Variants in CENPI observed in about 807,000 individuals in gnomAD.
CENPI encodes centromere protein I.
CENPI carries 4 observed loss-of-function variants against 60.4 expected under a neutral mutation model. The observed-to-expected ratio is 0.07, with a 90% CI of 0.03 to 0.15. The LOEUF (loss-of-function observed/expected upper bound fraction) is 0.15, where lower values mean the gene tolerates loss of function less well. Among genes scored for constraint, CENPI ranks in the 10% least tolerant of loss-of-function variants. The probability of loss-of-function intolerance (pLI) is 1.00; values close to 1 mark genes in which losing one functional copy is unlikely to be tolerated. For missense variants in CENPI, 444 were observed against 534.5 expected (o/e 0.83, Z 1.67); for synonymous variants, 157 against 189.4 (o/e 0.83, Z 1.40).
At chrX:101,135,390 T>C (rs1337622210) in intron 15 of CENPI, among the ~76,000 whole-genome samples, 2 of 110,870 alleles carry the variant, frequency 1.8e-5, no homozygotes, top group Admixed American at 9.7e-5. Context: ...AGCAGAGATA[T>C]GAGAAGATAA....
rs868452575 is a variant in CENPI, at chrX:101,164,735, T to A, written c.*1768T>A. Among the ~76,000 whole-genome samples the A allele has an allele frequency of 1.8e-5, 2 of 112,763 alleles. No individual in the cohort carries two copies. Among genetic ancestry groups the A allele is most frequent in the African/African-American group, 3.2e-5 (1 of 31,079 alleles). ...GGCAGGGAATAGGGATACAATGTGT[T>A]GAATTTTGTCAAATGCTTTTTTTGT... On this transcript the variant is annotated 3_prime_UTR_variant, in exon 22 of 22. Transcript: ENST00000682095.
At chrX:101,115,176 C>T (rs927764933) in intron 6 of CENPI, among the ~76,000 whole-genome samples, 2 of 110,633 alleles carry the variant, frequency 1.8e-5, no homozygotes, top group African/African-American at 6.6e-5. Context: ...GTTGGCCAGG[C>T]TGGTCTCAAA....
chrX:101,169,365 T>G (rs2090151548), downstream of CENPI, among the ~76,000 whole-genome samples: 1 of 112,527 alleles, frequency 8.9e-6, no homozygotes, highest in Non-Finnish European at 1.9e-5. Flanking sequence ...AACAACATTT[T>G]GATCAATGAT....
the CENPI span, among the ~76,000 whole-genome samples, chrX:101,179,881 C>G: frequency 8.9e-6 from 1 of 111,839 alleles, no homozygotes; most frequent in Non-Finnish European, 1.9e-5. Context: ...TATGGTAATT[C>G]TATGTTTAAA....
intron 15 of CENPI, among the ~76,000 whole-genome samples, chrX:101,133,317 ATTTTTTT>A (rs750307029): frequency 1.8e-4 from 14 of 76,991 alleles, no homozygotes; most frequent in South Asian, 6.3e-4. Context: ...TTCAGTTTGA[ATTTTTTT>A]TTTTTTTTTT....
chrX:101,180,543 G>C, the CENPI span, among the ~76,000 whole-genome samples: 2 of 112,075 alleles, frequency 1.8e-5, no homozygotes, highest in Admixed American at 1.9e-4. Flanking sequence ...TTTGCAAATA[G>C]CAGGTTATCT....
downstream of CENPI, among the ~76,000 whole-genome samples, chrX:101,167,076 C>T (rs2090146419): frequency 8.9e-6 from 1 of 112,460 alleles, no homozygotes; most frequent in Non-Finnish European, 1.9e-5. Flanking sequence ...TTTTATTATA[C>T]TTTCTCCTTC....
chrX:101,176,424 C>T, the CENPI span, among the ~76,000 whole-genome samples: 1 of 110,902 alleles, frequency 9.0e-6, no homozygotes, highest in Non-Finnish European at 1.9e-5. Flanking sequence ...TCCCCTTTCA[C>T]ATCCTTGCCA....
intron 6 of CENPI, among the ~76,000 whole-genome samples, chrX:101,115,703 G>T (rs1470691818): frequency 9.0e-6 from 1 of 111,487 alleles, no homozygotes; most frequent in Non-Finnish European, 1.9e-5. Flanking sequence ...ATAATTCATT[G>T]ACATGAATTA....
intron 4 of CENPI, among the ~76,000 whole-genome samples, chrX:101,109,193 G>A (rs2089524814): frequency 9.9e-6 from 1 of 101,002 alleles, no homozygotes; most frequent in African/African-American, 3.7e-5. Context: ...CGATTCTCCT[G>A]CCTCAGCCTC....
At chrX:101,148,372 C>T (rs765052282) in intron 20 of CENPI, among the ~76,000 whole-genome samples, 33 of 111,555 alleles carry the variant, frequency 3.0e-4, no homozygotes, top group African/African-American at 8.8e-4. Flanking sequence ...GAGCTTGTAA[C>T]AGAGACAGAC....
chrX:101,151,459 C>T (rs770975280), intron 20 of CENPI, among the ~76,000 whole-genome samples: 3 of 111,122 alleles, frequency 2.7e-5, no homozygotes, highest in African/African-American at 6.5e-5. Flanking sequence ...AACTCCTTAC[C>T]GTAGCATTAG....
intron 6 of CENPI, 78 bp from the exon 7 acceptor site, chrX:101,120,324 G>C (rs2089664123): frequency 2.1e-6 from 1 of 475,586 alleles, no homozygotes; most frequent in South Asian, 3.5e-5. Context: ...GCGTAAGATT[G>C]ACATTTGAGG....
At chrX:101,169,063 A>T (rs2090150886), downstream of CENPI, among the ~76,000 whole-genome samples, 1 of 112,122 alleles carries the variant, frequency 8.9e-6, no homozygotes, top group Non-Finnish European at 1.9e-5. Context: ...GATGACAATG[A>T]TTGTATCAAT....
At chrX:101,108,605 A>AT (rs1195597813) in intron 4 of CENPI, among the ~76,000 whole-genome samples, 1 of 109,375 alleles carries the variant, frequency 9.1e-6, no homozygotes, top group Non-Finnish European at 1.9e-5. Context: ...ACTCATTTAT[A>AT]TTTTTTAAAT....
chrX:101,101,004 G>GA (rs749116569), intron 2 of CENPI, 54 bp from the exon 3 acceptor site: 15 of 865,493 alleles, frequency 1.7e-5, no homozygotes, highest in Non-Finnish European at 2.3e-5. Flanking sequence ...TCTCTGTGGA[G>GA]AAAAAAGGAC....
intron 4 of CENPI, among the ~76,000 whole-genome samples, chrX:101,104,274 A>G (rs1332644649): frequency 1.8e-5 from 2 of 112,701 alleles, no homozygotes; most frequent in African/African-American, 6.4e-5. Context: ...GTGCCCAGCT[A>G]AGATGCTTTT....
At chrX:101,149,734 T>C (rs962130055) in intron 20 of CENPI, among the ~76,000 whole-genome samples, 2 of 110,770 alleles carry the variant, frequency 1.8e-5, no homozygotes, top group Non-Finnish European at 3.8e-5. Context: ...CTTGAACTCC[T>C]GACCTCAGGT....
chrX:101,144,359 A>G (rs976838854), intron 16 of CENPI, among the ~76,000 whole-genome samples: 9 of 107,183 alleles, frequency 8.4e-5, no homozygotes, highest in Middle Eastern at 4.9e-3. Flanking sequence ...CTGGGATTAC[A>G]GGTGTGAGCC....
Sources: allele counts gnomAD v4.1 joint callset (sites outside exome capture counted in the v4.1 genomes callset), GRCh38; gene constraint gnomAD v4.1.1; transcripts MANE v1.5; gene names NCBI Gene and HGNC (gene_info 2026-07-23, HGNC 2026-07-21).